Variants in ERBB4 observed in about 807,000 individuals in gnomAD.
The protein encoded by ERBB4 is receptor tyrosine-protein kinase erbB-4.
ERBB4 carries 42 observed loss-of-function variants against 158.0 expected under a neutral mutation model. The observed-to-expected ratio is 0.27, with a 90% CI of 0.21 to 0.34. The LOEUF is 0.34. Ranked by LOEUF, ERBB4 falls within the 10% of genes least tolerant of loss-of-function variation. The pLI, the probability that ERBB4 is intolerant of heterozygous loss-of-function variation, is 1.00. For missense variants in ERBB4, 1,333 were observed against 1,624.1 expected, an observed-to-expected ratio of 0.82 and a Z score of 3.08; for synonymous variants, 583 against 558.7, an observed-to-expected ratio of 1.04 and a Z score of -0.61.
chr2:212,390,631 A>T (rs2090827440), intron 1 of ERBB4, among the ~76,000 whole-genome samples: 1 of 152,006 alleles, frequency 6.6e-6, no homozygotes, highest in African/African-American at 2.4e-5. Context: ...TCACTGAAAC[A>T]GAAGATTATA....
intron 2 of ERBB4, among the ~76,000 whole-genome samples, chr2:211,969,938 T>C (rs145277811): frequency 0.023 from 3,479 of 152,166 alleles, 55 homozygotes; most frequent in Middle Eastern, 0.071. Flanking sequence ...AGCTTTGGGA[T>C]TTCTTTGCTC....
intron 1 of ERBB4, among the ~76,000 whole-genome samples, chr2:212,250,474 C>T (rs979637385): frequency 9.2e-5 from 14 of 151,868 alleles, no homozygotes; most frequent in African/African-American, 3.1e-4. Context: ...TCCTTATTTG[C>T]TTCCTCATTT....
At chr2:211,776,865 T>C (rs1361998056) in intron 4 of ERBB4, among the ~76,000 whole-genome samples, 1 of 152,172 alleles carries the variant, frequency 6.6e-6, no homozygotes. Flanking sequence ...AGTTACTCTA[T>C]TTATTATACA....
chr2:211,615,960 A>G (rs2069371173), intron 19 of ERBB4, among the ~76,000 whole-genome samples: 1 of 152,170 alleles, frequency 6.6e-6, no homozygotes, highest in Non-Finnish European at 1.5e-5. Flanking sequence ...TGTACAAACA[A>G]GCATACAAAT....
intron 1 of ERBB4, among the ~76,000 whole-genome samples, chr2:212,443,449 T>A (rs2092292320): frequency 6.6e-6 from 1 of 152,156 alleles, no homozygotes; most frequent in Non-Finnish European, 1.5e-5. Context: ...GTTGAGACAT[T>A]CCTACTAAGG....
At chr2:211,663,065 T>C (rs1334207290) in intron 15 of ERBB4, among the ~76,000 whole-genome samples, 1 of 152,160 alleles carries the variant, frequency 6.6e-6, no homozygotes, top group Admixed American at 6.5e-5. Flanking sequence ...TATCTCTATA[T>C]GCTCAATTTG....
intron 1 of ERBB4, among the ~76,000 whole-genome samples, chr2:212,388,271 T>C (rs1378538321): frequency 6.6e-6 from 1 of 152,150 alleles, no homozygotes; most frequent in African/African-American, 2.4e-5. Context: ...AATAGGTTGC[T>C]GCATGATTTG....
At chr2:211,483,198 G>A (rs1250461021) in intron 20 of ERBB4, among the ~76,000 whole-genome samples, 4 of 151,916 alleles carry the variant, frequency 2.6e-5, no homozygotes, top group East Asian at 1.9e-4. Flanking sequence ...CAGAAAATAC[G>A]TGTCAATTGA....
intron 1 of ERBB4, among the ~76,000 whole-genome samples, chr2:212,129,405 G>A (rs2080039025): frequency 6.6e-6 from 1 of 150,464 alleles, no homozygotes; most frequent in African/African-American, 2.4e-5. Context: ...ATATAAAAAG[G>A]TATACAATAT....
At chr2:211,943,688 T>G (rs573419832) in intron 3 of ERBB4, among the ~76,000 whole-genome samples, 1 of 152,220 alleles carries the variant, frequency 6.6e-6, no homozygotes, top group East Asian at 1.9e-4. Context: ...ATCTACCCTG[T>G]GCATAATGAG....
At chr2:212,296,567 C>G (rs2086419653) in intron 1 of ERBB4, among the ~76,000 whole-genome samples, 1 of 151,900 alleles carries the variant, frequency 6.6e-6, no homozygotes, top group South Asian at 2.1e-4. Flanking sequence ...CCTCTTCTCT[C>G]TCTCTGCCTC....
At chr2:211,621,853 A>G (rs1424092088) in intron 18 of ERBB4, among the ~76,000 whole-genome samples, 1 of 152,170 alleles carries the variant, frequency 6.6e-6, no homozygotes, top group Non-Finnish European at 1.5e-5. Context: ...TGTCACATGC[A>G]GAATTGGTAA....
chr2:211,553,659 A>G (rs2125706432), intron 20 of ERBB4, among the ~76,000 whole-genome samples: 1 of 152,268 alleles, frequency 6.6e-6, no homozygotes, highest in East Asian at 1.9e-4. Flanking sequence ...CTTATCCTTA[A>G]AATTACCCTA....
chr2:211,736,598 A>G (rs2074609669), intron 5 of ERBB4, among the ~76,000 whole-genome samples: 1 of 152,182 alleles, frequency 6.6e-6, no homozygotes, highest in South Asian at 2.1e-4. Context: ...AGGAATTTAG[A>G]GCCACTGGTG....
At chr2:211,797,766 G>A (rs950156171) in intron 3 of ERBB4, among the ~76,000 whole-genome samples, 2 of 151,882 alleles carry the variant, frequency 1.3e-5, no homozygotes, top group Non-Finnish European at 2.9e-5. Flanking sequence ...AAATAAGATT[G>A]CAAGCAAGCC....
intron 3 of ERBB4, among the ~76,000 whole-genome samples, chr2:211,882,165 T>G (rs1460908444): frequency 6.6e-6 from 1 of 152,110 alleles, no homozygotes; most frequent in Non-Finnish European, 1.5e-5. Flanking sequence ...CTGATTCAGC[T>G]CCTTCTCATT....
chr2:212,178,249 A>G (rs1435826508), intron 1 of ERBB4, among the ~76,000 whole-genome samples: 1 of 151,712 alleles, frequency 6.6e-6, no homozygotes, highest in South Asian at 2.1e-4. Context: ...CAATTTGTCA[A>G]TAGTAAAAAG....
At chr2:211,505,078 T>C (rs1352026943) in intron 20 of ERBB4, among the ~76,000 whole-genome samples, 1 of 151,956 alleles carries the variant, frequency 6.6e-6, no homozygotes, top group Admixed American at 6.6e-5. Context: ...GATTCAGATA[T>C]CCAGATACAA....
chr2:212,441,725 G>A (rs1013463464), intron 1 of ERBB4, among the ~76,000 whole-genome samples: 9 of 152,078 alleles, frequency 5.9e-5, no homozygotes, highest in Non-Finnish European at 1.3e-4. Flanking sequence ...TTATTTGCTT[G>A]GTTAGCTGAA....
Sources: gnomAD v4.1 joint callset for allele counts (sites outside exome capture counted in the v4.1 genomes callset) on GRCh38, gnomAD v4.1.1 for gene constraint, MANE v1.5 for transcripts, NCBI Gene and HGNC (gene_info 2026-07-23, HGNC 2026-07-21) for gene names.